Variants in CBLB observed in about 807,000 individuals in gnomAD.
CBLB encodes the protein E3 ubiquitin-protein ligase CBL-B.
A neutral mutation model predicts 104.9 loss-of-function variants in CBLB; 31 were observed. The observed-to-expected ratio is 0.30, with a 90% CI of 0.22 to 0.40. The LOEUF (loss-of-function observed/expected upper bound fraction) is 0.40, where lower values mean the gene tolerates loss of function less well. Ranked by LOEUF, CBLB falls within the 10% of genes least tolerant of loss-of-function variation. The probability of loss-of-function intolerance (pLI) is 1.00; values close to 1 mark genes in which losing one functional copy is unlikely to be tolerated. For synonymous variants in CBLB, 440 were observed against 422.6 expected, an observed-to-expected ratio of 1.04 and a Z score of -0.51; for missense variants, 1,062 against 1,214.6, an observed-to-expected ratio of 0.87 and a Z score of 1.87.
intron 4 of CBLB, among the ~76,000 whole-genome samples, chr3:105,757,013 A>G (rs746648625): frequency 6.6e-6 from 1 of 152,026 alleles, no homozygotes; most frequent in Non-Finnish European, 1.5e-5. Flanking sequence ...TCCTGCTCTC[A>G]CCACATGTGA....
chr3:105,837,015 C>T (rs1205590501), intron 3 of CBLB, among the ~76,000 whole-genome samples: 1 of 151,734 alleles, frequency 6.6e-6, no homozygotes, highest in Non-Finnish European at 1.5e-5. Flanking sequence ...ATCCAACCCT[C>T]CGACCTTTAC....
intron 17 of CBLB, chr3:105,673,178 C>CT (rs1480840151): frequency 6.6e-6 from 1 of 151,206 alleles, no homozygotes; most frequent in African/African-American, 2.4e-5. Context: ...AAGCCATTCT[C>CT]TTGCCTTGGC....
At chr3:105,713,192 A>G (rs1289334007) in intron 10 of CBLB, among the ~76,000 whole-genome samples, 2 of 152,136 alleles carry the variant, frequency 1.3e-5, no homozygotes, top group Non-Finnish European at 2.9e-5. Context: ...TTTTATATAT[A>G]TGAACTCATT....
intron 3 of CBLB, among the ~76,000 whole-genome samples, chr3:105,783,073 G>A (rs1259243690): frequency 6.6e-6 from 1 of 152,146 alleles, no homozygotes; most frequent in Non-Finnish European, 1.5e-5. Flanking sequence ...CCTTTGAGAA[G>A]CTTCCACAAG....
At chr3:105,675,607 G>C (rs1209741522) in intron 17 of CBLB, among the ~76,000 whole-genome samples, 3 of 152,040 alleles carry the variant, frequency 2.0e-5, no homozygotes, top group African/African-American at 7.2e-5. Context: ...AAAGGGGCTG[G>C]GTGCAGTGGT....
chr3:105,779,532 T>C (rs975530849), intron 3 of CBLB, among the ~76,000 whole-genome samples: 7 of 152,092 alleles, frequency 4.6e-5, no homozygotes, highest in African/African-American at 1.7e-4. Context: ...AGAATATATA[T>C]ATTTACTTTA....
intron 2 of CBLB, 131 bp downstream of exon 2, chr3:105,867,279 A>G (rs2092478836): frequency 2.0e-6 from 2 of 988,472 alleles, no homozygotes; most frequent in African/African-American, 3.2e-5. Context: ...AGTTGAAGAA[A>G]AATGATGAAT....
chr3:105,813,223 T>C (rs1275730391), intron 3 of CBLB, among the ~76,000 whole-genome samples: 1 of 152,026 alleles, frequency 6.6e-6, no homozygotes, highest in Admixed American at 6.6e-5. Context: ...AATAACACAT[T>C]GCAAACAGAA....
At chr3:105,696,284 G>C (rs951889251) in intron 12 of CBLB, among the ~76,000 whole-genome samples, 9 of 151,512 alleles carry the variant, frequency 5.9e-5, no homozygotes, top group Non-Finnish European at 1.0e-4. Flanking sequence ...TCATGTTTCC[G>C]TTCATCTAAA....
At chr3:105,836,845 C>G (rs1362281720) in intron 3 of CBLB, among the ~76,000 whole-genome samples, 1 of 151,996 alleles carries the variant, frequency 6.6e-6, no homozygotes, top group Non-Finnish European at 1.5e-5. Flanking sequence ...CCTGTCAAGT[C>G]TAAGTCTGCA....
chr3:105,715,356 A>G (rs533176267), intron 10 of CBLB, among the ~76,000 whole-genome samples: 49 of 152,338 alleles, frequency 3.2e-4, no homozygotes, highest in African/African-American at 1.2e-3. Context: ...GAGGGAATCA[A>G]AAAGTATGTA....
intron 3 of CBLB, among the ~76,000 whole-genome samples, chr3:105,811,075 C>A (rs1300127527): frequency 6.6e-6 from 1 of 152,056 alleles, no homozygotes; most frequent in Non-Finnish European, 1.5e-5. Flanking sequence ...CTTTTTTATT[C>A]TAATCCAAGT....
chr3:105,776,617 A>T (rs2079504862), intron 3 of CBLB, 75 bp from the exon 4 acceptor site: 1 of 1,324,890 alleles, frequency 7.5e-7, no homozygotes, highest in Non-Finnish European at 1.1e-6. Flanking sequence ...GGTAATATAT[A>T]TTAAGACAAA....
intron 4 of CBLB, among the ~76,000 whole-genome samples, chr3:105,755,369 C>T (rs2076997309): frequency 6.6e-6 from 1 of 152,146 alleles, no homozygotes. Context: ...GTTGACAAAT[C>T]ACTTAATCTT....
intron 6 of CBLB, among the ~76,000 whole-genome samples, chr3:105,741,097 T>TTTG (rs2075495810): frequency 1.2e-5 from 1 of 86,360 alleles, no homozygotes; most frequent in African/African-American, 4.5e-5. Context: ...AAATTAGGGT[T>TTTG]TTTTTTTTTT....
At chr3:105,820,803 A>G (rs2085736991) in intron 3 of CBLB, among the ~76,000 whole-genome samples, 1 of 152,096 alleles carries the variant, frequency 6.6e-6, no homozygotes, top group Non-Finnish European at 1.5e-5. Flanking sequence ...AATAAATAGA[A>G]CTATTAGCCT....
At chr3:105,669,172 T>A (rs576223874) in intron 18 of CBLB, among the ~76,000 whole-genome samples, 42 of 152,278 alleles carry the variant, frequency 2.8e-4, no homozygotes, top group African/African-American at 9.9e-4. Context: ...AGCAATGCTA[T>A]GGACTGAATG....
At position 105,768,273 on chromosome 3, in the gene CBLB, A is replaced by C. The variant is rs191101892; in HGVS notation, c.566+8123T>G. Among the ~76,000 whole-genome samples, 230 of 152,322 alleles carry C rather than the reference A, an allele frequency of 1.5e-3. 1 individual carries two copies. Among genetic ancestry groups the C allele is most frequent in the African/African-American group, 5.3e-3 (219 of 41,568 alleles). On this transcript the variant is annotated intron_variant, in intron 4 of 18. Coordinates refer to ENST00000394030, the MANE Select transcript of CBLB (RefSeq NM_170662.5). ...AATGGGAAAAATTATGAGCAATATTATCTTTGAGGGATTAGTAAGAATTGT... is the reference window on the plus strand; with the variant it reads ...AATGGGAAAAATTATGAGCAATATTCTCTTTGAGGGATTAGTAAGAATTGT...
At chr3:105,745,890 C>T in intron 6 of CBLB, 27 bp downstream of exon 6, 6 of 1,601,522 alleles carry the variant, frequency 3.7e-6, no homozygotes, top group Non-Finnish European at 4.3e-6. Context: ...GGATATATCA[C>T]ATAATATTAC....
Sources: gnomAD v4.1 joint callset for allele counts (sites outside exome capture counted in the v4.1 genomes callset) on GRCh38, gnomAD v4.1.1 for gene constraint, MANE v1.5 for transcripts, NCBI Gene and HGNC (gene_info 2026-07-23, HGNC 2026-07-21) for gene names.